ZNF398: variants seen among roughly 807,000 people sequenced by gnomAD.
The protein encoded by ZNF398 is zinc finger protein 398.
Under a neutral mutation model 41.9 loss-of-function variants are expected in ZNF398, and 18 were observed. That is an observed-to-expected ratio of 0.43 (90% CI 0.30 to 0.64). The LOEUF (loss-of-function observed/expected upper bound fraction) is 0.64, where lower values mean the gene tolerates loss of function less well. Among genes scored for constraint, ZNF398 ranks in the 30% least tolerant of loss-of-function variants. ZNF398 has a pLI of 0.14. For synonymous variants in ZNF398, 260 were observed against 308.8 expected, an observed-to-expected ratio of 0.84 and a Z score of 1.66; for missense variants, 669 against 822.8, an observed-to-expected ratio of 0.81 and a Z score of 2.29.
intron 2 of ZNF398, among the ~76,000 whole-genome samples, chr7:149,141,320 A>T (rs1430903006): frequency 6.7e-6 from 1 of 149,048 alleles, no homozygotes; most frequent in East Asian, 2.0e-4. Flanking sequence ...TTTGAGACAG[A>T]GTTTCGCTCT....
intron 4 of ZNF398, among the ~76,000 whole-genome samples, chr7:149,172,283 C>T (rs1795359872): frequency 6.6e-6 from 1 of 152,084 alleles, no homozygotes; most frequent in Non-Finnish European, 1.5e-5. Flanking sequence ...GTTTGCCATT[C>T]TGAGTAGTAT....
intron 2 of ZNF398, among the ~76,000 whole-genome samples, chr7:149,130,821 A>AGATCAGT (rs1332113901): frequency 2.0e-5 from 3 of 152,162 alleles, no homozygotes; most frequent in African/African-American, 7.2e-5. Context: ...GGGAGATGGG[A>AGATCAGT]GATCAGTCTC....
intron 2 of ZNF398, among the ~76,000 whole-genome samples, chr7:149,141,223 A>C (rs1322344358): frequency 6.6e-6 from 1 of 151,834 alleles, no homozygotes; most frequent in Admixed American, 6.6e-5. Context: ...TTTAAAAGAG[A>C]GTATGAAGAA....
intron 2 of ZNF398, among the ~76,000 whole-genome samples, chr7:149,133,662 T>TATAC (rs1158878893): frequency 2.1e-5 from 1 of 47,802 alleles, no homozygotes; most frequent in Non-Finnish European, 4.1e-5. Flanking sequence ...TAAATATATA[T>TATAC]ATATATATAT....
At chr7:149,134,743 T>C (rs776089835) in intron 2 of ZNF398, among the ~76,000 whole-genome samples, 15 of 152,206 alleles carry the variant, frequency 9.9e-5, no homozygotes, top group Admixed American at 7.2e-4. Flanking sequence ...TTTATTTTTA[T>C]GTTTTTGGAC....
At chr7:149,162,418 G>A (rs1483990029) in intron 2 of ZNF398, among the ~76,000 whole-genome samples, 3 of 152,110 alleles carry the variant, frequency 2.0e-5, no homozygotes, top group Non-Finnish European at 2.9e-5. Flanking sequence ...TCCTGACCTC[G>A]TGATCCGCCC....
At chr7:149,159,812 C>T (rs1449261777) in intron 2 of ZNF398, among the ~76,000 whole-genome samples, 3 of 151,966 alleles carry the variant, frequency 2.0e-5, no homozygotes, top group Non-Finnish European at 4.4e-5. Context: ...ACTTCAGCCT[C>T]CACCTCCCAG....
intron 2 of ZNF398, among the ~76,000 whole-genome samples, chr7:149,156,277 C>T (rs902009036): frequency 6.3e-4 from 96 of 151,466 alleles, no homozygotes; most frequent in African/African-American, 2.1e-3. Flanking sequence ...GAGGTTGAGG[C>T]GGGCGGATCA....
At chr7:149,162,205 G>A (rs1446660355) in intron 2 of ZNF398, among the ~76,000 whole-genome samples, 5 of 150,716 alleles carry the variant, frequency 3.3e-5, no homozygotes, top group Admixed American at 6.6e-5. Flanking sequence ...TTTTTGAGTC[G>A]GAGTCTCGCT....
intron 1 of ZNF398, 77 bp from the exon 2 acceptor site, chr7:149,153,868 T>C: frequency 1.3e-6 from 2 of 1,497,012 alleles, no homozygotes; most frequent in Non-Finnish European, 1.8e-6. Context: ...AGTTAAGCAG[T>C]CCTTATCTGA....
intron 1 of ZNF398, among the ~76,000 whole-genome samples, chr7:149,149,262 C>G (rs1458928607): frequency 2.0e-5 from 3 of 152,038 alleles, no homozygotes; most frequent in Non-Finnish European, 4.4e-5. Context: ...GAGGTGGAGT[C>G]TCACTCTGTC....
Position 149,147,556 on chromosome 7 carries a change from C to G in ZNF398, c.-187C>G, listed in dbSNP as rs1272553871. ...TGATCCGCCGCCTGCTGCACCGCGC[C>G]TCCGCCGCGTTCCTGCGCGTCCCGA... is the stretch of plus-strand genomic sequence containing the variant. On this transcript the variant is annotated 5_prime_UTR_variant, in exon 1 of 6. Transcript: ENST00000475153. This position sits in a 1 kb window ranked among gnomAD's most constrained non-coding sequence, Gnocchi z 5.6. 1.9e-6 allele frequency: 1 copy of G among 523,306 alleles called. No individual in the cohort carries two copies. Among genetic ancestry groups the G allele is most frequent in the East Asian group, 4.5e-5 (1 of 22,458 alleles). The allele number at this position is 523,306 out of a possible 1,614,324, so 32.4% of individuals were successfully genotyped here.
At chr7:149,145,644 T>G (rs1826922366), upstream of ZNF398, among the ~76,000 whole-genome samples, 1 of 152,190 alleles carries the variant, frequency 6.6e-6, no homozygotes, top group African/African-American at 2.4e-5. Flanking sequence ...AGCATGAGAA[T>G]GTAGTTTCTT....
intron 2 of ZNF398, among the ~76,000 whole-genome samples, chr7:149,157,079 G>A (rs960576173): frequency 1.8e-4 from 28 of 152,178 alleles, no homozygotes; most frequent in African/African-American, 6.3e-4. Flanking sequence ...TCAGGCTTTC[G>A]GCTTGAAGAA....
chr7:149,178,486 A>T (rs1795516059), intron 5 of ZNF398, among the ~76,000 whole-genome samples, 162 bp from the exon 6 acceptor site: 1 of 152,118 alleles, frequency 6.6e-6, no homozygotes, highest in Non-Finnish European at 1.5e-5. Flanking sequence ...CATTTCTCTG[A>T]TGATTTGCCA....
At chr7:149,173,386 C>T (rs942643158) in intron 4 of ZNF398, among the ~76,000 whole-genome samples, 1 of 152,024 alleles carries the variant, frequency 6.6e-6, no homozygotes, top group Non-Finnish European at 1.5e-5. Flanking sequence ...GGATTACAAG[C>T]GTGAGCCACC....
intron 4 of ZNF398, among the ~76,000 whole-genome samples, chr7:149,173,958 C>T (rs1427935014): frequency 3.3e-5 from 5 of 152,094 alleles, no homozygotes; most frequent in Non-Finnish European, 2.9e-5. Flanking sequence ...CCACGCCCAG[C>T]TAATTTTGTA....
At chr7:149,168,345 T>C (rs1227797158) in intron 4 of ZNF398, among the ~76,000 whole-genome samples, 1 of 152,156 alleles carries the variant, frequency 6.6e-6, no homozygotes, top group Non-Finnish European at 1.5e-5. Flanking sequence ...ACCAAAGTGC[T>C]GGGATTACAG....
At position 149,147,861 on chromosome 7, in the gene ZNF398, G is replaced by A. The variant is rs1391883065; in HGVS notation, c.24+95G>A. On this transcript the variant is annotated intron_variant, in intron 1 of 5. Coordinates refer to ENST00000475153, the MANE Select transcript of ZNF398 (RefSeq NM_170686.3). The surrounding 1 kb of genome is among the most constrained non-coding windows in gnomAD (Gnocchi z 5.6). ...CAGGGAGCTGCCAGGCATAGGCGCC[G>A]TTCTCGGGTCCCGCCGGCCACGTCG... 3 of 1,280,978 alleles carry A rather than the reference G, an allele frequency of 2.3e-6. No homozygotes were observed. The highest frequency in any genetic ancestry group is 2.0e-6 in the Non-Finnish European group (2 of 1,002,138). 79.4% of individuals were successfully genotyped at this position (1,280,978 alleles called of 1,614,324 possible). A position where few individuals can be genotyped will look rare whatever the true frequency, so the allele number is the denominator to read the frequency against.
Sources: gnomAD v4.1 joint callset for allele counts (sites outside exome capture counted in the v4.1 genomes callset) on GRCh38, gnomAD v4.1.1 for gene constraint, Gnocchi (gnomAD v3.1) non-coding constraint, MANE v1.5 for transcripts, NCBI Gene and HGNC (gene_info 2026-07-23, HGNC 2026-07-21) for gene names.